UQCRC1: variants seen among roughly 807,000 people sequenced by gnomAD.
UQCRC1 encodes the protein cytochrome b-c1 complex subunit 1, mitochondrial.
Under a neutral mutation model 58.0 loss-of-function variants are expected in UQCRC1, and 34 were observed. That is an observed-to-expected ratio of 0.59 (90% CI 0.45 to 0.78). UQCRC1 has a LOEUF of 0.78. UQCRC1 is among the 30% of genes least tolerant of loss of function. The probability of loss-of-function intolerance (pLI) is 0.00; values close to 1 mark genes in which losing one functional copy is unlikely to be tolerated. For missense variants in UQCRC1, 610 were observed against 646.0 expected, an observed-to-expected ratio of 0.94 and a Z score of 0.60; for synonymous variants, 276 against 248.8, an observed-to-expected ratio of 1.11 and a Z score of -1.03.
intron 12 of UQCRC1, 45 bp downstream of exon 12, chr3:48,599,590 C>CG: frequency 6.3e-7 from 1 of 1,594,810 alleles, no homozygotes; most frequent in South Asian, 1.1e-5. Flanking sequence ...GCCAAGAGAA[C>CG]GGCCTGAGGA....
At chr3:48,608,865 A>G (rs901256238) in intron 2 of UQCRC1, among the ~76,000 whole-genome samples, 2 of 152,232 alleles carry the variant, frequency 1.3e-5, no homozygotes, top group Non-Finnish European at 2.9e-5. Context: ...TTTCCGCATT[A>G]TAAGAGGAGA....
Position 48,599,787 on chromosome 3 carries a change from G to T in UQCRC1, c.1303-77C>A. 2.1e-6 allele frequency: 3 copies of T among 1,448,958 alleles called. No homozygotes were observed. In the South Asian group the frequency reaches 3.4e-5, roughly 17 times the overall value. The allele number at this position is 1,448,958 out of a possible 1,614,324, so 89.8% of individuals were successfully genotyped here. On this transcript the variant is annotated intron_variant, in intron 11 of 12. Coordinates refer to ENST00000203407, the MANE Select transcript of UQCRC1 (RefSeq NM_003365.3). ...TCAGCCAGTCAGCATCATCCAACTA[G>T]CAGAGATCTCCCACAGGCAGCATGC...
chr3:48,609,587 C>A lies in UQCRC1; in HGVS notation c.34G>T (p.Ala12Ser), dbSNP rs1054656135. 1.3e-6 allele frequency: 2 copies of A among 1,571,356 alleles called. No homozygotes were observed. Among genetic ancestry groups the A allele is most frequent in the South Asian group, 1.1e-5 (1 of 87,222 alleles). ...GCGCGCAATAGCACTTGTGCCCCGG[C>A]GGTAGCGGCCCGACAGACCACGGAC... ...AASVVCRAATAGAQVLLRARR... is the reference protein window; with the variant it reads ...AASVVCRAATSGAQVLLRARR... The change falls in exon 1 of 13, where the codon GCC becomes TCC. Residue 12 changes from alanine to serine, a missense_variant. By Grantham distance (99) the Ala-to-Ser change is moderately conservative. Coordinates refer to ENST00000203407, the MANE Select transcript of UQCRC1 (RefSeq NM_003365.3).
intron 3 of UQCRC1, among the ~76,000 whole-genome samples, chr3:48,605,179 C>T (rs1012393391): frequency 6.6e-6 from 1 of 152,242 alleles, no homozygotes; most frequent in Non-Finnish European, 1.5e-5. Flanking sequence ...ATTCCCATGA[C>T]TGTATGTTTG....
chr3:48,599,073 T>TGG lies in UQCRC1; in HGVS notation c.*53_*54dup, dbSNP rs953114128. 8 of 1,539,948 alleles carry TGG rather than the reference T, an allele frequency of 5.2e-6. No individual in the cohort carries two copies. Among genetic ancestry groups the TGG allele is most frequent in the Non-Finnish European group, 5.3e-6 (6 of 1,125,318 alleles). On this transcript the variant is annotated 3_prime_UTR_variant, in exon 13 of 13. Coordinates refer to ENST00000203407, the MANE Select transcript of UQCRC1 (RefSeq NM_003365.3). The stretch of plus-strand genomic sequence containing the variant: ...AGGAGCCGAAGTGCTGTGTTTGTGG[T>TGG]GGGGGGGGGACCACAAACCCCGGCC...
In UQCRC1 at chr3:48,599,193, C is replaced by G; in HGVS notation, c.1379-1G>C. Reference sequence around the variant, plus strand: ...TAGTCTGGGAGCTGCTCAATGGGGCCTGTGGGGATAGGGTGGAGCGTCAGG... The same window carrying G: ...TAGTCTGGGAGCTGCTCAATGGGGCGTGTGGGGATAGGGTGGAGCGTCAGG... On this transcript the variant is annotated splice_acceptor_variant, in intron 12 of 12. Transcript: ENST00000203407. LOFTEE classifies it high-confidence loss of function. 6.2e-7 allele frequency: 1 copy of G among 1,602,824 alleles called. No individual in the cohort carries two copies. Among genetic ancestry groups the G allele is most frequent in the South Asian group, 1.1e-5 (1 of 89,832 alleles).
intron 5 of UQCRC1, 109 bp from the exon 6 acceptor site, chr3:48,603,752 G>A (rs984845407): frequency 3.8e-5 from 40 of 1,041,530 alleles, no homozygotes; most frequent in East Asian, 2.3e-4. Context: ...TGGTTTCTCC[G>A]AAGAGTGGGC....
chr3:48,606,543 T>G (rs1199355397), intron 2 of UQCRC1, among the ~76,000 whole-genome samples: 3 of 152,126 alleles, frequency 2.0e-5, no homozygotes, highest in Non-Finnish European at 4.4e-5. Context: ...GGTCAGCAGT[T>G]CGAGACCAGC....
At chr3:48,601,507 C>A in intron 6 of UQCRC1, 40 bp from the exon 7 acceptor site, 2 of 1,597,586 alleles carry the variant, frequency 1.3e-6, no homozygotes, top group Non-Finnish European at 1.7e-6. Context: ...CAGCCAGGGC[C>A]CAAGGCACAG....
At chr3:48,605,326 C>T (rs2046402262) in intron 3 of UQCRC1, among the ~76,000 whole-genome samples, 1 of 152,254 alleles carries the variant, frequency 6.6e-6, no homozygotes, top group African/African-American at 2.4e-5. Flanking sequence ...AGGTTGCCTA[C>T]TATGGCTCCA....
At chr3:48,604,488 G>A in intron 4 of UQCRC1, 57 bp from the exon 5 acceptor site, 1 of 1,597,586 alleles carries the variant, frequency 6.3e-7, no homozygotes, top group Admixed American at 1.7e-5. Context: ...ACCAACGACA[G>A]CACAAAATCC....
rs541806912 is a variant in UQCRC1 at position 48,599,713 on chromosome 3, G to C, written c.1303-3C>G. 1 of 1,613,620 alleles carries C rather than the reference G, an allele frequency of 6.2e-7. No homozygotes were observed. The highest frequency in any genetic ancestry group is 8.5e-7 in the Non-Finnish European group (1 of 1,179,962). On this transcript the variant is annotated splice_polypyrimidine_tract_variant and splice_region_variant and intron_variant, in intron 11 of 12. Coordinates refer to ENST00000203407, the MANE Select transcript of UQCRC1 (RefSeq NM_003365.3). ...CGTACCACACTGGCATCCACCTCCT[G>C]CAGGGTGAGGCAGAGGGCATACTGG...
intron 6 of UQCRC1, among the ~76,000 whole-genome samples, chr3:48,603,076 A>G (rs2046380615): frequency 6.6e-6 from 1 of 151,620 alleles, no homozygotes. Flanking sequence ...AACACTCACC[A>G]CCTTTCAGGC....
chr3:48,603,940 G>GA, intron 5 of UQCRC1: 1 of 584,188 alleles, frequency 1.7e-6, no homozygotes, highest in East Asian at 2.8e-5. Context: ...AAAGCTCCCG[G>GA]AGCCATCCAC....
chr3:48,605,430 GAGA>G (rs2107846684), intron 3 of UQCRC1, among the ~76,000 whole-genome samples: 1 of 152,322 alleles, frequency 6.6e-6, no homozygotes, highest in South Asian at 2.1e-4. Flanking sequence ...TATTCCACCA[GAGA>G]AGAACATTTC....
Position 48,601,457 on chromosome 3 carries a change from G to C in UQCRC1, c.717C>G (p.His239Gln). ...TCTGGGCGAGGTCTAACAGTTGCTG[G>C]TGCTCCACTCCTGCTGAGACAGACA... ...MVLAAAGGVEHQQLLDLAQKH... is the reference protein window; with the variant it reads ...MVLAAAGGVEQQQLLDLAQKH... Residue 239 changes from histidine (H) to glutamine (Q), a missense_variant, in exon 7 of 13, where the codon CAC (histidine) becomes CAG (glutamine). Physicochemically the swap from His to Gln is conservative, Grantham distance 24. Transcript: ENST00000203407. 1 of 1,613,982 alleles carries C rather than the reference G, an allele frequency of 6.2e-7. No homozygotes were observed. Among genetic ancestry groups the C allele is most frequent in the Admixed American group, 1.7e-5 (1 of 59,990 alleles).
chr3:48,603,555 A>C lies in UQCRC1; in HGVS notation c.706+9T>G, dbSNP rs754202987. Reference sequence around the variant, plus strand: ...CACTACCCAGGACTTCAGTGATTCCATCACTCACCTCCAGCTGCTGCCAGC... The same window carrying C: ...CACTACCCAGGACTTCAGTGATTCCCTCACTCACCTCCAGCTGCTGCCAGC... On this transcript the variant is annotated intron_variant, in intron 6 of 12. Coordinates refer to ENST00000203407, the MANE Select transcript of UQCRC1 (RefSeq NM_003365.3). 46 of 1,613,276 alleles carry C rather than the reference A, an allele frequency of 2.9e-5. No individual in the cohort carries two copies. The highest frequency in any genetic ancestry group is 1.8e-4 in the Middle Eastern group (1 of 5,666).
intron 2 of UQCRC1, 94 bp downstream of exon 2, chr3:48,609,068 A>T: frequency 6.6e-7 from 1 of 1,508,940 alleles, no homozygotes; most frequent in South Asian, 1.3e-5. Flanking sequence ...CAAACCACAA[A>T]CGGGAAGACT....
chr3:48,602,152 G>A (rs1210689190), intron 6 of UQCRC1, among the ~76,000 whole-genome samples: 8 of 151,542 alleles, frequency 5.3e-5, no homozygotes, highest in Admixed American at 1.3e-4. Context: ...CCGGGTCCAC[G>A]CCATTCTCCT....
Sources: gnomAD v4.1 joint callset for allele counts (sites outside exome capture counted in the v4.1 genomes callset) on GRCh38, gnomAD v4.1.1 for gene constraint, MANE v1.5 for transcripts, NCBI Gene and HGNC (gene_info 2026-07-23, HGNC 2026-07-21) for gene names.